Variants in TBC1D22A observed in about 807,000 individuals in gnomAD.
TBC1D22A encodes TBC1 domain family member 22A.
Under a neutral mutation model 60.2 loss-of-function variants are expected in TBC1D22A, and 38 were observed. The ratio of observed to expected loss-of-function variants is 0.63; its 90% CI spans 0.49 to 0.83. The LOEUF is 0.83. Ranked by LOEUF, TBC1D22A falls within the 40% of genes least tolerant of loss-of-function variation. TBC1D22A has a pLI of 0.00. For synonymous variants in TBC1D22A, 302 were observed against 281.7 expected, an observed-to-expected ratio of 1.07 and a Z score of -0.72; for missense variants, 628 against 701.0, an observed-to-expected ratio of 0.90 and a Z score of 1.18.
At chr22:47,129,458 A>G (rs951941659) in intron 12 of TBC1D22A, among the ~76,000 whole-genome samples, 1 of 152,242 alleles carries the variant, frequency 6.6e-6, no homozygotes, top group Non-Finnish European at 1.5e-5. Context: ...GCCTGGTGAC[A>G]GAGTGAGACT....
intron 4 of TBC1D22A, among the ~76,000 whole-genome samples, chr22:46,842,158 C>T (rs538190894): frequency 7.2e-5 from 11 of 152,246 alleles, no homozygotes; most frequent in African/African-American, 2.6e-4. Context: ...AAAACAGGCA[C>T]CATCAATTTT....
At chr22:47,078,732 T>G (rs1168143998) in intron 11 of TBC1D22A, among the ~76,000 whole-genome samples, 1 of 152,262 alleles carries the variant, frequency 6.6e-6, no homozygotes, top group African/African-American at 2.4e-5. Flanking sequence ...GTGGTGACAG[T>G]GAACCCATTA....
chr22:46,787,235 A>T (rs1003485972), intron 1 of TBC1D22A, among the ~76,000 whole-genome samples: 4 of 152,110 alleles, frequency 2.6e-5, no homozygotes, highest in African/African-American at 7.2e-5. Flanking sequence ...CAGTCTAGCC[A>T]AAGGTTTGTC....
intron 8 of TBC1D22A, among the ~76,000 whole-genome samples, chr22:46,920,504 C>G (rs180861027): frequency 5.3e-5 from 8 of 152,238 alleles, no homozygotes; most frequent in African/African-American, 1.7e-4. Context: ...CTCATGGAGG[C>G]TGTGATTCTG....
intron 11 of TBC1D22A, among the ~76,000 whole-genome samples, chr22:47,073,734 G>C (rs748679309): frequency 1.3e-5 from 2 of 152,172 alleles, no homozygotes. Context: ...TTCTACAGAA[G>C]TCTGCGTGTC....
At chr22:46,855,234 C>T (rs1384729111) in intron 4 of TBC1D22A, among the ~76,000 whole-genome samples, 1 of 152,234 alleles carries the variant, frequency 6.6e-6, no homozygotes, top group Non-Finnish European at 1.5e-5. Context: ...TTGGATGATA[C>T]ACCATATGGT....
At chr22:47,074,211 T>G (rs554541862) in intron 11 of TBC1D22A, among the ~76,000 whole-genome samples, 1 of 152,378 alleles carries the variant, frequency 6.6e-6, no homozygotes, top group Admixed American at 6.5e-5. Flanking sequence ...ATGCGTGTCC[T>G]AATCCGGAGC....
At chr22:46,974,144 G>C in intron 8 of TBC1D22A, 146 bp from the exon 9 acceptor site, 3 of 636,640 alleles carry the variant, frequency 4.7e-6, no homozygotes, top group South Asian at 1.8e-5. Context: ...GAGGTGGAAG[G>C]CTGCATGAGT....
chr22:46,904,229 TA>T (rs67975017), intron 7 of TBC1D22A, among the ~76,000 whole-genome samples: 1 of 145,846 alleles, frequency 6.9e-6, no homozygotes, highest in Non-Finnish European at 1.5e-5. Flanking sequence ...GAAAAAAGAA[TA>T]AAAAAAAAGG....
intron 11 of TBC1D22A, among the ~76,000 whole-genome samples, chr22:47,054,891 G>A (rs911609923): frequency 3.3e-5 from 5 of 152,182 alleles, no homozygotes; most frequent in African/African-American, 7.2e-5. Flanking sequence ...GGCACAGACC[G>A]TGGGGTGTGG....
intron 11 of TBC1D22A, among the ~76,000 whole-genome samples, chr22:47,066,932 C>T (rs529376618): frequency 8.5e-5 from 13 of 152,292 alleles, no homozygotes; most frequent in African/African-American, 2.9e-4. Flanking sequence ...ACTCTGTTGC[C>T]TGTACCTGGC....
intron 12 of TBC1D22A, among the ~76,000 whole-genome samples, chr22:47,172,368 A>G (rs957295386): frequency 2.0e-5 from 3 of 152,214 alleles, no homozygotes; most frequent in African/African-American, 7.2e-5. Context: ...ATGTGAATTC[A>G]ATGCAATAAA....
intron 12 of TBC1D22A, among the ~76,000 whole-genome samples, chr22:47,152,936 G>A (rs745543218): frequency 5.0e-4 from 76 of 152,090 alleles, no homozygotes; most frequent in Admixed American, 2.9e-3. Flanking sequence ...TTGGAACGAG[G>A]ATTGACTGAA....
chr22:47,038,620 C>T (rs1241639672), intron 11 of TBC1D22A, among the ~76,000 whole-genome samples: 1 of 152,180 alleles, frequency 6.6e-6, no homozygotes, highest in Non-Finnish European at 1.5e-5. Context: ...AACAGTGCCC[C>T]AAAGCTTTGT....
intron 10 of TBC1D22A, among the ~76,000 whole-genome samples, chr22:47,023,693 G>A (rs1391782821): frequency 6.6e-6 from 1 of 152,206 alleles, no homozygotes; most frequent in Non-Finnish European, 1.5e-5. Flanking sequence ...CAGCCTGTTT[G>A]GACTATTCAA....
chr22:46,879,334 G>A (rs990019921), intron 5 of TBC1D22A, among the ~76,000 whole-genome samples: 1 of 152,044 alleles, frequency 6.6e-6, no homozygotes, highest in African/African-American at 2.4e-5. Flanking sequence ...CAATGCCCTC[G>A]TACACTTAGC....
At chr22:46,836,722 A>G (rs1569109294) in intron 4 of TBC1D22A, among the ~76,000 whole-genome samples, 1 of 152,204 alleles carries the variant, frequency 6.6e-6, no homozygotes, top group Non-Finnish European at 1.5e-5. Flanking sequence ...CCAACAATAT[A>G]CTGCCTATAA....
chr22:46,890,117 G>A (rs1003023166), intron 5 of TBC1D22A, among the ~76,000 whole-genome samples: 1 of 152,028 alleles, frequency 6.6e-6, no homozygotes. Context: ...AGGCTGAGGC[G>A]GGTGGATCAC....
chr22:46,956,412 T>C (rs1456348432), intron 8 of TBC1D22A, among the ~76,000 whole-genome samples: 1 of 152,240 alleles, frequency 6.6e-6, no homozygotes, highest in Non-Finnish European at 1.5e-5. Context: ...GGTGAAACCC[T>C]GTCTCCACTA....
Sources: gnomAD v4.1 joint callset for allele counts (sites outside exome capture counted in the v4.1 genomes callset) on GRCh38, gnomAD v4.1.1 for gene constraint, MANE v1.5 for transcripts, NCBI Gene and HGNC (gene_info 2026-07-23, HGNC 2026-07-21) for gene names.